Variants in SNX25 observed in about 807,000 individuals in gnomAD.
SNX25 encodes the protein sorting nexin-25.
A neutral mutation model predicts 113.7 loss-of-function variants in SNX25; 62 were observed. The ratio of observed to expected loss-of-function variants is 0.55; its 90% CI spans 0.44 to 0.67. The LOEUF (loss-of-function observed/expected upper bound fraction) is 0.67, where lower values mean the gene tolerates loss of function less well. Ranked by LOEUF, SNX25 falls within the 30% of genes least tolerant of loss-of-function variation. The pLI is 0.00. For missense variants in SNX25, 1,014 were observed against 1,161.0 expected (o/e 0.87, Z 1.84); for synonymous variants, 421 against 436.2 (o/e 0.97, Z 0.43).
intron 16 of SNX25, among the ~76,000 whole-genome samples, chr4:185,360,931 ATATAT>A (rs1397774407): frequency 1.5e-5 from 1 of 68,828 alleles, no homozygotes; most frequent in East Asian, 3.5e-4. Context: ...AAAAAAAATA[ATATAT>A]ATATATATAT....
chr4:185,343,872 G>C (rs1221623716), intron 12 of SNX25, among the ~76,000 whole-genome samples: 1 of 152,154 alleles, frequency 6.6e-6, no homozygotes, highest in Non-Finnish European at 1.5e-5. Context: ...AAGAGAGTGA[G>C]ATTTTACTAT....
At chr4:185,234,681 C>CAAAAAAAAAAAAAAAAAAAAAA (rs369613640) in intron 1 of SNX25, among the ~76,000 whole-genome samples, 1 of 16,170 alleles carries the variant, frequency 6.2e-5, no homozygotes, top group African/African-American at 2.1e-4. Context: ...GACTCTGTCT[C>CAAAAAAAAAAAAAAAAAAAAAA]AAAAAAAAAA....
chr4:185,351,612 G>A lies in SNX25; in HGVS notation c.2466+3G>A. 6.2e-7 allele frequency: 1 copy of A among 1,613,586 alleles called. No homozygotes were observed. The highest frequency in any genetic ancestry group is 8.5e-7 in the Non-Finnish European group (1 of 1,179,820). ...GCGACTTCTTCTCCCACCAGGAGGT[G>A]AGCCGTTGAAAGAGTGAACCACTTT... On this transcript the variant is annotated splice_donor_region_variant and intron_variant, in intron 14 of 18. Coordinates refer to ENST00000652585, the MANE Select transcript of SNX25 (RefSeq NM_001378034.2).
intron 12 of SNX25, among the ~76,000 whole-genome samples, chr4:185,345,682 T>G (rs1288980780): frequency 6.6e-6 from 1 of 151,904 alleles, no homozygotes; most frequent in East Asian, 1.9e-4. Flanking sequence ...TCCCAGCTAC[T>G]TGGGAGGCTG....
At chr4:185,347,419 C>T (rs140773336) in intron 13 of SNX25, among the ~76,000 whole-genome samples, 532 of 152,108 alleles carry the variant, frequency 3.5e-3, no homozygotes, top group African/African-American at 0.012. Flanking sequence ...GTAGTAGTAT[C>T]TCATTGTGTT....
At chr4:185,326,157 G>A (rs2095155928) in intron 9 of SNX25, among the ~76,000 whole-genome samples, 1 of 152,120 alleles carries the variant, frequency 6.6e-6, no homozygotes, top group Non-Finnish European at 1.5e-5. Flanking sequence ...ACTGTCAGTA[G>A]CCCAAAAGAA....
intron 5 of SNX25, among the ~76,000 whole-genome samples, chr4:185,283,512 G>A (rs976794990): frequency 2.0e-5 from 3 of 152,208 alleles, no homozygotes; most frequent in African/African-American, 7.2e-5. Flanking sequence ...ACAGTATGCA[G>A]GAGGGATATA....
At chr4:185,278,188 C>T (rs1012095955) in intron 5 of SNX25, among the ~76,000 whole-genome samples, 6 of 152,220 alleles carry the variant, frequency 3.9e-5, no homozygotes, top group African/African-American at 7.2e-5. Flanking sequence ...GCGGTAGCCA[C>T]ATGTTCTGTC....
intron 1 of SNX25, among the ~76,000 whole-genome samples, chr4:185,212,553 T>C (rs1417420860): frequency 6.9e-6 from 1 of 145,730 alleles, no homozygotes; most frequent in Non-Finnish European, 1.5e-5. Context: ...CACGCCTGGC[T>C]AAGTTTTTGT....
At chr4:185,347,458 CTTTTGTTTTGTTTTG>C (rs528383809) in intron 13 of SNX25, among the ~76,000 whole-genome samples, 2 of 150,928 alleles carry the variant, frequency 1.3e-5, no homozygotes, top group Admixed American at 1.3e-4. Context: ...TTTTTGTTTT[CTTTTGTTTTGTTTTG>C]TTTTGTTTTG....
chr4:185,323,451 A>T, intron 8 of SNX25, 77 bp from the exon 9 acceptor site: 1 of 1,415,464 alleles, frequency 7.1e-7, no homozygotes. Flanking sequence ...TGACTTTCAA[A>T]TGCAAATAAT....
In SNX25 at chr4:185,209,752, C is replaced by T. The variant is rs1166324204; in HGVS notation, c.-75C>T. On this transcript the variant is annotated 5_prime_UTR_variant, in exon 1 of 19. Transcript: ENST00000652585. The surrounding 1 kb of genome is among the most constrained non-coding windows in gnomAD (Gnocchi z 5.2). Reference sequence around the variant, plus strand: ...CGCGGGCGAGGCATGAGCGCGGGCTCCCCCTGCCTCCGGAGCGCCGGCGGG... The same window carrying T: ...CGCGGGCGAGGCATGAGCGCGGGCTTCCCCTGCCTCCGGAGCGCCGGCGGG... 10 of 983,974 alleles carry T rather than the reference C, an allele frequency of 1.0e-5. No homozygotes were observed. The South Asian group carries it at 2.3e-4, about 23-fold the overall frequency. 61.0% of individuals were successfully genotyped at this position (983,974 alleles called of 1,614,324 possible). A position where few individuals can be genotyped will look rare whatever the true frequency, so the allele number is the denominator to read the frequency against.
At chr4:185,369,947 AC>A (rs1392210337) in exon 12 of SNX25, 1 of 285,170 alleles carries the variant, frequency 3.5e-6, no homozygotes, top group African/African-American at 2.2e-5. Flanking sequence ...TCTGTGTTCC[AC>A]AAACACTGCT....
chr4:185,260,267 CA>C (rs1747104371), intron 3 of SNX25, among the ~76,000 whole-genome samples: 1 of 151,808 alleles, frequency 6.6e-6, no homozygotes, highest in East Asian at 1.9e-4. Context: ...TATGGTAAAG[CA>C]GTGGTTCTCC....
At position 185,323,613 on chromosome 4, in the gene SNX25, A is replaced by G. The variant is rs2095136041; in HGVS notation, c.1562A>G (p.Lys521Arg). Reference sequence around the variant, plus strand: ...ATATCTGTGGAAAAATCACTTTACAAAGAAATTCAGCAGTGTCTTGTAGGA... The same window carrying G: ...ATATCTGTGGAAAAATCACTTTACAGAGAAATTCAGCAGTGTCTTGTAGGA... ...KEISVEKSLY[K>R]EIQQCLVGNK... Residue 521 changes from lysine (K) to arginine (R), a missense_variant, in exon 9 of 19, where the codon AAA becomes AGA. Transcript: ENST00000652585. 3 of 1,613,628 alleles carry G rather than the reference A, an allele frequency of 1.9e-6. No homozygotes were observed. The highest frequency in any genetic ancestry group is 2.5e-6 in the Non-Finnish European group (3 of 1,179,710).
At chr4:185,303,658 CAAAAA>C (rs34378168) in intron 6 of SNX25, among the ~76,000 whole-genome samples, 12 of 50,904 alleles carry the variant, frequency 2.4e-4, no homozygotes, top group African/African-American at 6.7e-4. Context: ...GACTCTGTCT[CAAAAA>C]AAAAAAAAAA....
At position 185,332,578 on chromosome 4, in the gene SNX25, T is replaced by C. The variant is rs1486907796; in HGVS notation, c.1750-17T>C. The stretch of plus-strand genomic sequence containing the variant: ...TCTATCATTATAAGATATGGTGGTA[T>C]GTGACTCTCCCCCTAGGGCCCAAGA... On this transcript the variant is annotated splice_polypyrimidine_tract_variant and intron_variant, in intron 9 of 18. Transcript: ENST00000652585. The C allele has an allele frequency of 1.3e-6, 2 of 1,597,962 alleles. No individual in the cohort carries two copies. The highest frequency in any genetic ancestry group is 1.7e-5 in the Admixed American group (1 of 57,368).
chr4:185,268,545 A>G (rs1338235370), intron 5 of SNX25, among the ~76,000 whole-genome samples: 1 of 152,186 alleles, frequency 6.6e-6, no homozygotes, highest in Non-Finnish European at 1.5e-5. Flanking sequence ...AAAGAAAGAA[A>G]ACTCTTATAT....
intron 1 of SNX25, among the ~76,000 whole-genome samples, chr4:185,242,006 TTC>T (rs1354630007): frequency 6.6e-6 from 1 of 152,212 alleles, no homozygotes; most frequent in African/African-American, 2.4e-5. Flanking sequence ...ATTAGCTTCT[TTC>T]TCTTTTTTTC....
Sources: allele counts gnomAD v4.1 joint callset (sites outside exome capture counted in the v4.1 genomes callset), GRCh38; gene constraint gnomAD v4.1.1; non-coding constraint Gnocchi (gnomAD v3.1); transcripts MANE v1.5; gene names NCBI Gene and HGNC (gene_info 2026-07-23, HGNC 2026-07-21).